The following MAOB variants were observed in gnomAD, a reference collection of about 807,000 sequenced individuals.
MAOB encodes the protein monoamine oxidase B.
MAOB carries 15 observed loss-of-function variants against 41.9 expected under a neutral mutation model. The observed-to-expected ratio is 0.36, with a 90% CI of 0.24 to 0.55. MAOB has a LOEUF of 0.55. Among genes scored for constraint, MAOB ranks in the 20% least tolerant of loss-of-function variants. MAOB has a pLI of 0.86. For missense variants in MAOB, 345 were observed against 398.7 expected (o/e 0.87, Z 1.15); for synonymous variants, 167 against 144.2 (o/e 1.16, Z -1.13).
intron 1 of MAOB, among the ~76,000 whole-genome samples, chrX:43,872,759 G>A (rs192411167): frequency 6.3e-5 from 7 of 111,549 alleles, no homozygotes; most frequent in African/African-American, 1.6e-4. Context: ...TTTTTAAAGG[G>A]GATACAAATA....
chrX:43,779,551 T>A (rs1203340934), intron 10 of MAOB, among the ~76,000 whole-genome samples: 1 of 112,097 alleles, frequency 8.9e-6, no homozygotes. Flanking sequence ...ATAAAATGAA[T>A]AAGCCATAAA....
Position 43,803,420 on chromosome X carries a change from TA to T in MAOB, c.280-17del, listed in dbSNP as rs1288011824. The T allele has an allele frequency of 1.7e-6, 2 of 1,163,923 alleles. No homozygotes were observed. Among genetic ancestry groups the T allele is most frequent in the African/African-American group, 3.7e-5 (2 of 54,058 alleles). ...ATGATTTGCCCTGTGAGATACAAGA[TA>T]TTTTTAAAAGGAAATATTTACTACA... On this transcript the variant is annotated splice_polypyrimidine_tract_variant and intron_variant, in intron 3 of 14. Coordinates refer to ENST00000378069, the MANE Select transcript of MAOB (RefSeq NM_000898.5).
intron 1 of MAOB, among the ~76,000 whole-genome samples, chrX:43,857,408 G>A (rs888781553): frequency 3.7e-5 from 4 of 108,851 alleles, no homozygotes; most frequent in East Asian, 2.9e-4. Flanking sequence ...TTAAACTCCC[G>A]GCCTCAGATG....
intron 5 of MAOB, among the ~76,000 whole-genome samples, chrX:43,801,679 G>A (rs958059787): frequency 2.7e-5 from 3 of 112,441 alleles, no homozygotes; most frequent in Admixed American, 1.9e-4. Flanking sequence ...AAGGGGAACA[G>A]CCAGTCCAGT....
intron 3 of MAOB, among the ~76,000 whole-genome samples, chrX:43,836,482 G>C (rs1007273273): frequency 8.9e-6 from 1 of 112,118 alleles, no homozygotes; most frequent in Non-Finnish European, 1.9e-5. Flanking sequence ...TTTTTTTACA[G>C]CATCAGTATT....
intron 8 of MAOB, among the ~76,000 whole-genome samples, chrX:43,785,581 T>C (rs1050703396): frequency 8.9e-6 from 1 of 112,974 alleles, no homozygotes; most frequent in East Asian, 2.8e-4. Context: ...AGGCCTAGCT[T>C]TCAGCCTATC....
chrX:43,843,625 T>C (rs371145365), intron 2 of MAOB, 45 bp downstream of exon 2: 27 of 1,157,899 alleles, frequency 2.3e-5, no homozygotes, highest in Non-Finnish European at 3.1e-5. Flanking sequence ...AACCCCAAAC[T>C]CAGCTTCAGT....
In MAOB at chrX:43,872,348, G is replaced by T. The variant is rs181053632; in HGVS notation, c.46+9906C>A. Among the ~76,000 whole-genome samples, 9 of 111,877 alleles carry T rather than the reference G, an allele frequency of 8.0e-5. No individual in the cohort carries two copies. The East Asian group carries it at 2.5e-3, about 31-fold the overall frequency. On this transcript the variant is annotated intron_variant, in intron 1 of 14. Coordinates refer to ENST00000378069, the MANE Select transcript of MAOB (RefSeq NM_000898.5). ...CATTAAATTACGACTACAAACTGGT[G>T]AAGAATCTTGATTATCTCTGTACTG...
chrX:43,847,763 A>G (rs1321674634), intron 1 of MAOB, among the ~76,000 whole-genome samples: 1 of 112,460 alleles, frequency 8.9e-6, no homozygotes, highest in East Asian at 2.8e-4. Flanking sequence ...GAGCAAGCTT[A>G]TCATCACTTC....
chrX:43,851,538 C>T (rs976523036), intron 1 of MAOB, among the ~76,000 whole-genome samples: 3 of 111,657 alleles, frequency 2.7e-5, no homozygotes, highest in African/African-American at 9.8e-5. Flanking sequence ...TATTTCACTA[C>T]TATGATAGTA....
At chrX:43,859,422 T>C (rs961255179) in intron 1 of MAOB, among the ~76,000 whole-genome samples, 1 of 112,022 alleles carries the variant, frequency 8.9e-6, no homozygotes, top group African/African-American at 3.2e-5. Context: ...TTTTTAATTT[T>C]CCATTGTACA....
chrX:43,857,323 G>C (rs191047733), intron 1 of MAOB, among the ~76,000 whole-genome samples: 108 of 105,928 alleles, frequency 1.0e-3, no homozygotes, highest in Non-Finnish European at 1.6e-3. Context: ...TGGAATTACC[G>C]GCATGCACCA....
At chrX:43,839,653 A>G (rs1227442890) in intron 2 of MAOB, among the ~76,000 whole-genome samples, 1 of 111,710 alleles carries the variant, frequency 9.0e-6, no homozygotes, top group Non-Finnish European at 1.9e-5. Flanking sequence ...TTATTTGCGT[A>G]TTTTTTGTCT....
intron 2 of MAOB, among the ~76,000 whole-genome samples, chrX:43,843,458 A>C (rs977446684): frequency 9.3e-6 from 1 of 107,839 alleles, no homozygotes; most frequent in African/African-American, 3.4e-5. Flanking sequence ...TCCTAACTCT[A>C]TGAGGCCAAA....
intron 1 of MAOB, among the ~76,000 whole-genome samples, chrX:43,861,303 T>C (rs1393056471): frequency 8.9e-6 from 1 of 112,825 alleles, no homozygotes; most frequent in Non-Finnish European, 1.9e-5. Context: ...GAACTAACGC[T>C]AGTGCGGCCA....
chrX:43,849,048 A>G (rs780987652), intron 1 of MAOB, among the ~76,000 whole-genome samples: 17 of 112,321 alleles, frequency 1.5e-4, no homozygotes, highest in African/African-American at 5.5e-4. Context: ...CATCAAATTC[A>G]TAAAAGAAAA....
At chrX:43,795,193 G>C (rs2034512062) in intron 7 of MAOB, among the ~76,000 whole-genome samples, 1 of 111,665 alleles carries the variant, frequency 9.0e-6, no homozygotes, top group South Asian at 3.8e-4. Flanking sequence ...TCTGCTTCCA[G>C]TTGATGTTCC....
chrX:43,830,483 T>C (rs2035006085), intron 3 of MAOB, among the ~76,000 whole-genome samples: 1 of 112,158 alleles, frequency 8.9e-6, no homozygotes, highest in Non-Finnish European at 1.9e-5. Flanking sequence ...TATTTATCTA[T>C]TTATGATCGA....
At chrX:43,849,965 G>C (rs1667014212) in intron 1 of MAOB, among the ~76,000 whole-genome samples, 1 of 112,455 alleles carries the variant, frequency 8.9e-6, no homozygotes, top group African/African-American at 3.2e-5. Flanking sequence ...GGGAAAGAAA[G>C]ACAGTCAGCC....
Sources: allele counts gnomAD v4.1 joint callset (sites outside exome capture counted in the v4.1 genomes callset), GRCh38; gene constraint gnomAD v4.1.1; transcripts MANE v1.5; gene names NCBI Gene and HGNC (gene_info 2026-07-23, HGNC 2026-07-21).